The following MTUS1 variants were observed in gnomAD, a reference collection of about 807,000 sequenced individuals.
MTUS1 encodes microtubule associated scaffold protein 1.
In MTUS1, 109 loss-of-function variants were observed where a neutral mutation model predicts 120.8. That is an observed-to-expected ratio of 0.90 (90% CI 0.77 to 1.06). The LOEUF (loss-of-function observed/expected upper bound fraction) is 1.06, where lower values mean the gene tolerates loss of function less well. Among genes scored for constraint, MTUS1 ranks in the 50% least tolerant of loss-of-function variants. The pLI is 0.00. For missense variants in MTUS1, 2,210 were observed against 1,486.3 expected (o/e 1.49, Z -8.01); for synonymous variants, 737 against 550.5 (o/e 1.34, Z -4.74).
chr8:17,716,025 C>G, intron 4 of MTUS1, 124 bp from the exon 5 acceptor site: 1 of 829,020 alleles, frequency 1.2e-6, no homozygotes, highest in Non-Finnish European at 1.9e-6. Context: ...CCAGTCATTA[C>G]TGAACATTGG....
chr8:17,660,779 A>C (rs1289032441), intron 8 of MTUS1, among the ~76,000 whole-genome samples: 1 of 152,202 alleles, frequency 6.6e-6, no homozygotes, highest in Non-Finnish European at 1.5e-5. Flanking sequence ...AGATTTTCAA[A>C]TTAAGCCATA....
chr8:17,747,007 G>A (rs17125233), intron 2 of MTUS1, among the ~76,000 whole-genome samples: 4 of 151,942 alleles, frequency 2.6e-5, no homozygotes, highest in East Asian at 1.9e-4. Flanking sequence ...TTACTGAAAC[G>A]ATGTCCACAG....
intron 7 of MTUS1, among the ~76,000 whole-genome samples, chr8:17,678,657 T>C (rs1813614230): frequency 1.3e-5 from 2 of 152,034 alleles, no homozygotes; most frequent in East Asian, 3.9e-4. Context: ...GCTCAATGCA[T>C]CTATGTTTTT....
intron 3 of MTUS1, among the ~76,000 whole-genome samples, chr8:17,740,385 T>C (rs2047223414): frequency 6.6e-6 from 1 of 152,236 alleles, no homozygotes; most frequent in Non-Finnish European, 1.5e-5. Flanking sequence ...GGAACATTTC[T>C]GCCGCTTACC....
At chr8:17,727,262 G>A (rs1319537454) in intron 3 of MTUS1, among the ~76,000 whole-genome samples, 1 of 152,214 alleles carries the variant, frequency 6.6e-6, no homozygotes, top group Non-Finnish European at 1.5e-5. Context: ...TACTATCCCA[G>A]TTAATAGATG....
chr8:17,766,773 T>C (rs575934812), intron 1 of MTUS1, among the ~76,000 whole-genome samples: 2 of 152,338 alleles, frequency 1.3e-5, no homozygotes, highest in Non-Finnish European at 2.9e-5. Flanking sequence ...TTAATGGATG[T>C]TAAAATTTTA....
intron 8 of MTUS1, among the ~76,000 whole-genome samples, chr8:17,658,024 GACACACACAC>G (rs58132896): frequency 5.6e-4 from 79 of 140,512 alleles, no homozygotes; most frequent in African/African-American, 1.0e-3. Context: ...TATATATATA[GACACACACAC>G]ACACACACAC....
chr8:17,692,602 T>C (rs113654402), intron 6 of MTUS1, among the ~76,000 whole-genome samples: 3 of 152,308 alleles, frequency 2.0e-5, no homozygotes, highest in African/African-American at 7.2e-5. Context: ...TGCCTGTTAC[T>C]GAACACTTCT....
At chr8:17,697,704 A>G (rs1282296505) in intron 6 of MTUS1, 8 of 1,008,864 alleles carry the variant, frequency 7.9e-6, no homozygotes, top group Non-Finnish European at 9.5e-6. Flanking sequence ...TTTTCATCCG[A>G]GATGGTAAAG....
chr8:17,659,820 A>G (rs1357212565), intron 8 of MTUS1, among the ~76,000 whole-genome samples: 2 of 152,166 alleles, frequency 1.3e-5, no homozygotes, highest in East Asian at 3.9e-4. Context: ...GTCATCATCC[A>G]TTCTCCAGAA....
intron 8 of MTUS1, among the ~76,000 whole-genome samples, chr8:17,667,314 T>A (rs1811122207): frequency 6.6e-6 from 1 of 152,200 alleles, no homozygotes; most frequent in African/African-American, 2.4e-5. Context: ...TATTAATAGA[T>A]TTTTCATTAA....
chr8:17,791,462 T>C (rs1178349053), intron 1 of MTUS1, among the ~76,000 whole-genome samples: 1 of 152,210 alleles, frequency 6.6e-6, no homozygotes, highest in East Asian at 1.9e-4. Flanking sequence ...TACTGTAATA[T>C]CCACAAGTCC....
At chr8:17,709,301 G>C (rs1401329739) in intron 6 of MTUS1, among the ~76,000 whole-genome samples, 2 of 152,084 alleles carry the variant, frequency 1.3e-5, no homozygotes, top group Non-Finnish European at 2.9e-5. Context: ...AACAGGCTCA[G>C]AAATTTATAC....
rs376698024 is a variant in MTUS1 at position 17,755,731 on chromosome 8, G to C, written c.77C>G (p.Thr26Arg). 1 of 1,614,114 alleles carries C rather than the reference G, an allele frequency of 6.2e-7. No individual in the cohort carries two copies. The highest frequency in any genetic ancestry group is 2.2e-5 in the East Asian group (1 of 44,878). Residue 26 changes from threonine (T) to arginine (R), a missense_variant, in exon 2 of 15, where the codon ACA becomes AGA. Transcript: ENST00000693296. ...TGGTGATTTCGGGTTGTATGCATGT[G>C]TATTTCCATCTTTATCACTGGTAAA... ...TFFTSDKDGN[T>R]HAYNPKSPPT...
intron 1 of MTUS1, among the ~76,000 whole-genome samples, chr8:17,775,029 A>T (rs2131477010): frequency 6.7e-6 from 1 of 148,402 alleles, no homozygotes; most frequent in Middle Eastern, 3.4e-3. Context: ...TTCCACTTAC[A>T]TAAAGCACCT....
chr8:17,715,970 C>A, intron 4 of MTUS1, 69 bp from the exon 5 acceptor site: 1 of 1,474,530 alleles, frequency 6.8e-7, no homozygotes, highest in Non-Finnish European at 9.2e-7. Context: ...ACATTTATTC[C>A]TTTGTCCTTG....
chr8:17,669,803 C>G (rs1204034943), intron 8 of MTUS1, among the ~76,000 whole-genome samples: 1 of 152,052 alleles, frequency 6.6e-6, no homozygotes, highest in African/African-American at 2.4e-5. Context: ...CAAGATCATG[C>G]CACTGCACTC....
intron 1 of MTUS1, among the ~76,000 whole-genome samples, chr8:17,770,276 G>A (rs1034677856): frequency 3.9e-5 from 6 of 152,070 alleles, no homozygotes; most frequent in Non-Finnish European, 7.4e-5. Context: ...TGAAGTAGGG[G>A]TAATCTAATA....
intron 1 of MTUS1, among the ~76,000 whole-genome samples, chr8:17,783,280 C>T (rs1420634735): frequency 1.3e-5 from 2 of 152,306 alleles, no homozygotes; most frequent in African/African-American, 4.8e-5. Flanking sequence ...GGTGTTCTCT[C>T]CATTCCATCC....
Sources: allele counts gnomAD v4.1 joint callset (sites outside exome capture counted in the v4.1 genomes callset), GRCh38; gene constraint gnomAD v4.1.1; transcripts MANE v1.5; gene names NCBI Gene and HGNC (gene_info 2026-07-23, HGNC 2026-07-21).